The following ROBO1 variants were observed in gnomAD, a reference collection of about 807,000 sequenced individuals.
ROBO1 encodes roundabout homolog 1.
Under a neutral mutation model 195.9 loss-of-function variants are expected in ROBO1, and 149 were observed. The ratio of observed to expected loss-of-function variants is 0.76; its 90% CI spans 0.67 to 0.87. The LOEUF (loss-of-function observed/expected upper bound fraction) is 0.87, where lower values mean the gene tolerates loss of function less well. ROBO1 is among the 40% of genes least tolerant of loss of function. The pLI is 0.00. For synonymous variants in ROBO1, 816 were observed against 733.2 expected (o/e 1.11, Z -1.82); for missense variants, 1,933 against 2,068.3 (o/e 0.93, Z 1.27).
chr3:79,720,615 G>C lies in ROBO1; in HGVS notation c.-51+47137C>G, dbSNP rs541691681. Among the ~76,000 whole-genome samples the C allele has an allele frequency of 2.1e-3, 325 of 152,290 alleles. 3 individuals carry two copies. The highest frequency in any genetic ancestry group is 7.3e-3 in the African/African-American group (303 of 41,572). On this transcript the variant is annotated intron_variant, in intron 1 of 30. Coordinates refer to ENST00000464233, the MANE Select transcript of ROBO1 (RefSeq NM_002941.4). ...TTGCATTAAGTAACAAGACAAGAGA[G>C]AGTCTAATAACTAGTGATTTCAAAT...
At chr3:78,725,935 T>A (rs1175015273) in intron 5 of ROBO1, among the ~76,000 whole-genome samples, 3 of 64 alleles carry the variant, frequency 0.047, no homozygotes, top group Non-Finnish European at 0.071. Context: ...TACACAGGAA[T>A]TTTTTTTTTT....
chr3:78,609,583 T>C (rs577553511), intron 28 of ROBO1, among the ~76,000 whole-genome samples: 4 of 152,330 alleles, frequency 2.6e-5, no homozygotes, highest in South Asian at 4.1e-4. Context: ...TATGTGTACA[T>C]AGGGCTTTAC....
At chr3:79,747,089 A>T (rs17017103) in intron 1 of ROBO1, among the ~76,000 whole-genome samples, 3,571 of 152,038 alleles carry the variant, frequency 0.023, 134 homozygotes, top group African/African-American at 0.082. Context: ...ATATAAACTC[A>T]CTTTCATTCT....
Position 78,695,125 on chromosome 3 carries a change from G to C in ROBO1, c.1046-6353C>G, listed in dbSNP as rs1469767973. On this transcript the variant is annotated intron_variant, in intron 8 of 30. Coordinates refer to ENST00000464233, the MANE Select transcript of ROBO1 (RefSeq NM_002941.4). ...GGGTTTAAGAACTTTAGGCTGGGGT[G>C]GGGGGAGGGGGGAGGACTAGCATTA... Among the ~76,000 whole-genome samples, 15 of 116,394 alleles carry C rather than the reference G, an allele frequency of 1.3e-4. No individual in the cohort carries two copies. In the Admixed American group the frequency reaches 1.4e-3, roughly 11 times the overall value. The allele number at this position is 116,394 out of a possible 152,430, so 76.4% of individuals were successfully genotyped here.
At chr3:79,021,874 T>A (rs556811159) in intron 3 of ROBO1, among the ~76,000 whole-genome samples, 107 of 152,130 alleles carry the variant, frequency 7.0e-4, no homozygotes, top group African/African-American at 2.0e-3. Context: ...GTTAGCCAGG[T>A]TGGTCTCGAT....
In ROBO1 at chr3:78,651,803, A is replaced by C; in HGVS notation, c.2741T>G (p.Phe914Cys). ...GCGGTGTCGATAAAGCCAGATGCTG[A>C]AGACCATGAGGATGATCCAACAGGC... ...GAACWIILMV[F>C]SIWLYRHRKK... Residue 914 changes from phenylalanine (F) to cysteine (C), a missense_variant, in exon 19 of 31, where the codon TTC (phenylalanine) becomes TGC (cysteine). This residue lies in a region of ROBO1 where 1,737 missense variants were observed against 1,882.5 expected (regional missense o/e 0.92). Transcript: ENST00000464233. The C allele has an allele frequency of 6.2e-7, 1 of 1,613,736 alleles. No homozygotes were observed. Among genetic ancestry groups the C allele is most frequent in the Non-Finnish European group, 8.5e-7 (1 of 1,179,702 alleles).
chr3:79,240,935 C>A (rs989451628), intron 2 of ROBO1, among the ~76,000 whole-genome samples: 1 of 152,170 alleles, frequency 6.6e-6, no homozygotes, highest in East Asian at 1.9e-4. Context: ...GAACACCTTG[C>A]CATGCCTCAT....
At chr3:78,919,551 T>C (rs1325536963) in intron 4 of ROBO1, among the ~76,000 whole-genome samples, 3 of 152,212 alleles carry the variant, frequency 2.0e-5, no homozygotes, top group Admixed American at 6.5e-5. Flanking sequence ...TAGTGGATTG[T>C]CCTGTCAATA....
At chr3:79,462,883 A>G (rs988741955) in intron 2 of ROBO1, among the ~76,000 whole-genome samples, 3 of 152,248 alleles carry the variant, frequency 2.0e-5, no homozygotes, top group African/African-American at 7.2e-5. Flanking sequence ...GTTACTATTT[A>G]CACAAACTGC....
At chr3:79,674,837 TGTGTGTGTGTGTGTGTG>T (rs1946736112) in intron 1 of ROBO1, among the ~76,000 whole-genome samples, 3 of 151,106 alleles carry the variant, frequency 2.0e-5, no homozygotes, top group South Asian at 4.2e-4. Context: ...CGTGTGTGTG[TGTGTGTGTGTGTGTGTG>T]TGTGTGTGTG....
intron 3 of ROBO1, among the ~76,000 whole-genome samples, chr3:79,025,199 A>C (rs2078180385): frequency 6.6e-6 from 1 of 152,098 alleles, no homozygotes; most frequent in Non-Finnish European, 1.5e-5. Context: ...TGGAGTACTC[A>C]CCTTCATAAA....
rs538308245 is a variant in ROBO1 at position 78,597,935 on chromosome 3, T to A, written c.*978A>T. The A allele has an allele frequency of 7.1e-6, 1 of 140,454 alleles. No individual in the cohort carries two copies. The highest frequency in any genetic ancestry group is 1.5e-5 in the Non-Finnish European group (1 of 65,510). The allele number at this position is 140,454 out of a possible 1,614,324, so 8.7% of individuals were successfully genotyped here. A position where few individuals can be genotyped will look rare whatever the true frequency, so the allele number is the denominator to read the frequency against. On this transcript the variant is annotated 3_prime_UTR_variant, in exon 31 of 31. Coordinates refer to ENST00000464233, the MANE Select transcript of ROBO1 (RefSeq NM_002941.4). The stretch of plus-strand genomic sequence containing the variant: ...ATGGTTTACAAATAAAGTTTAGTGA[T>A]TGTGCTTTTAAAACCAAAAAAAAAA...
intron 9 of ROBO1, 79 bp from the exon 10 acceptor site, chr3:78,685,996 T>G: frequency 8.3e-7 from 1 of 1,204,700 alleles, no homozygotes; most frequent in Non-Finnish European, 1.2e-6. Context: ...CTTATGCATT[T>G]ACATGTAAAA....
chr3:79,417,145 G>T (rs1325931824), intron 2 of ROBO1, among the ~76,000 whole-genome samples: 1 of 152,130 alleles, frequency 6.6e-6, no homozygotes, highest in Non-Finnish European at 1.5e-5. Flanking sequence ...TGTGGACTGA[G>T]ATTCTATTGA....
intron 1 of ROBO1, among the ~76,000 whole-genome samples, chr3:79,672,461 A>G (rs1946659539): frequency 6.6e-6 from 1 of 151,930 alleles, no homozygotes; most frequent in African/African-American, 2.4e-5. Context: ...AACTCATCCA[A>G]TAAGTTAATT....
Position 78,938,704 on chromosome 3 carries a change from T to C in ROBO1, c.396A>G (p.Ile132Met). The part of the protein sequence containing the change: ...LPSGSLFFLR[I>M]VHGRKSRPDE... ...CAGGTCTACTTTTCCGTCCATGTAC[T>C]ATACGTAAGAAAAATAAAGATCCAC... The change falls in exon 4 of 31, where the codon ATA (isoleucine) becomes ATG (methionine). Residue 132 changes from isoleucine to methionine, a missense_variant. Physicochemically the swap from Ile to Met is conservative, Grantham distance 10. Coordinates refer to ENST00000464233, the MANE Select transcript of ROBO1 (RefSeq NM_002941.4). 3.7e-6 allele frequency: 6 copies of C among 1,614,008 alleles called. No individual in the cohort carries two copies. Among genetic ancestry groups the C allele is most frequent in the Non-Finnish European group, 5.1e-6 (6 of 1,179,892 alleles).
intron 1 of ROBO1, among the ~76,000 whole-genome samples, chr3:79,692,289 T>C (rs1473379623): frequency 6.6e-6 from 1 of 151,874 alleles, no homozygotes; most frequent in East Asian, 1.9e-4. Flanking sequence ...TATAGGACCA[T>C]GTTTATCTTG....
intron 2 of ROBO1, among the ~76,000 whole-genome samples, chr3:79,295,134 A>G (rs1296740226): frequency 6.6e-6 from 1 of 152,184 alleles, no homozygotes; most frequent in Non-Finnish European, 1.5e-5. Context: ...TTCTACTATA[A>G]AGACACATGC....
intron 5 of ROBO1, among the ~76,000 whole-genome samples, chr3:78,734,884 A>G (rs540597873): frequency 6.6e-6 from 1 of 152,284 alleles, no homozygotes; most frequent in Non-Finnish European, 1.5e-5. Flanking sequence ...GCATCTAAAC[A>G]CACTGCACCC....
Sources: allele counts gnomAD v4.1 joint callset (sites outside exome capture counted in the v4.1 genomes callset), GRCh38; gene constraint gnomAD v4.1.1; regional missense constraint gnomAD v4.1.1; transcripts MANE v1.5; gene names NCBI Gene and HGNC (gene_info 2026-07-23, HGNC 2026-07-21).